Variants in CLPB observed in about 807,000 individuals in gnomAD.
CLPB encodes the protein mitochondrial disaggregase.
Under a neutral mutation model 78.4 loss-of-function variants are expected in CLPB, and 40 were observed. That is an observed-to-expected ratio of 0.51 (90% CI 0.40 to 0.66). CLPB has a LOEUF of 0.66. CLPB is among the 30% of genes least tolerant of loss of function. The probability of loss-of-function intolerance (pLI) is 0.00; values close to 1 mark genes in which losing one functional copy is unlikely to be tolerated. For missense variants in CLPB, 780 were observed against 886.9 expected (o/e 0.88, Z 1.53); for synonymous variants, 333 against 348.0 (o/e 0.96, Z 0.48).
intron 4 of CLPB, among the ~76,000 whole-genome samples, chr11:72,373,783 TA>T (rs1311502816): frequency 6.6e-6 from 1 of 151,770 alleles, no homozygotes; most frequent in Non-Finnish European, 1.5e-5. Flanking sequence ...CCATCTCTAC[TA>T]AAAGTATTAG....
At chr11:72,425,058 G>A (rs549045891) in intron 2 of CLPB, among the ~76,000 whole-genome samples, 3 of 152,260 alleles carry the variant, frequency 2.0e-5, no homozygotes, top group East Asian at 3.9e-4. Flanking sequence ...CTTGGGTGAC[G>A]GACTGAGATT....
At position 72,312,137 on chromosome 11, in the gene CLPB, G is replaced by A. The variant is rs560941898; in HGVS notation, c.989-3533C>T. On this transcript the variant is annotated intron_variant, in intron 7 of 15. Transcript: ENST00000538039. This position sits in a 1 kb window ranked among gnomAD's most constrained non-coding sequence, Gnocchi z 4.2. The stretch of plus-strand genomic sequence containing the variant: ...AAACACTTATTCCTTTAGAGCCTCC[G>A]TTTCTTCCTCTATAAAATGGGAACA... Among the ~76,000 whole-genome samples, 1 of 152,234 alleles carries A rather than the reference G, an allele frequency of 6.6e-6. No individual in the cohort carries two copies. The highest frequency in any genetic ancestry group is 1.9e-4 in the East Asian group (1 of 5,188).
At chr11:72,295,970 C>T (rs1949544747) in intron 11 of CLPB, among the ~76,000 whole-genome samples, 1 of 152,356 alleles carries the variant, frequency 6.6e-6, no homozygotes. Flanking sequence ...ATTTGTGCAA[C>T]CAACACATTT....
chr11:72,364,877 T>A (rs1397145757), intron 4 of CLPB, among the ~76,000 whole-genome samples: 1 of 152,146 alleles, frequency 6.6e-6, no homozygotes, highest in Non-Finnish European at 1.5e-5. Flanking sequence ...ACAGATAATA[T>A]CACCTATCTC....
At chr11:72,328,851 A>G (rs1950173139) in intron 6 of CLPB, among the ~76,000 whole-genome samples, 1 of 152,190 alleles carries the variant, frequency 6.6e-6, no homozygotes, top group Non-Finnish European at 1.5e-5. Context: ...AAAATAAGTC[A>G]GCTGATTTAG....
intron 5 of CLPB, chr11:72,352,897 T>A (rs1950639204): frequency 6.6e-6 from 1 of 152,230 alleles, no homozygotes; most frequent in Admixed American, 6.5e-5. Flanking sequence ...AGAGAGGATA[T>A]GCCTAAAGGT....
At chr11:72,347,278 A>G (rs961196958) in intron 5 of CLPB, among the ~76,000 whole-genome samples, 1 of 152,172 alleles carries the variant, frequency 6.6e-6, no homozygotes, top group African/African-American at 2.4e-5. Context: ...GCAACACAGC[A>G]AGACTCTGTC....
Position 72,434,288 on chromosome 11 carries a change from A to G in CLPB, c.187T>C (p.Phe63Leu). The change falls in exon 1 of 16, where the codon TTC becomes CTC. Residue 63 changes from phenylalanine to leucine, a missense_variant. Physicochemically the swap from Phe to Leu is conservative, Grantham distance 22 (BLOSUM62 0). Transcript: ENST00000538039. ...GGRPGTSPAL[F>L]SGRGAATGGR... ...CCGGTGGCTGCCCCACGTCCGGAGA[A>G]CAAGGCCGGCGATGTTCCAGGGCGC... 1.9e-6 allele frequency: 3 copies of G among 1,612,206 alleles called. No individual in the cohort carries two copies. The highest frequency in any genetic ancestry group is 1.1e-5 in the South Asian group (1 of 91,018).
At chr11:72,415,802 A>T (rs941312187) in intron 2 of CLPB, among the ~76,000 whole-genome samples, 1 of 152,236 alleles carries the variant, frequency 6.6e-6, no homozygotes, top group Non-Finnish European at 1.5e-5. Context: ...GGGCCATATT[A>T]ATAGAAGTAT....
At chr11:72,320,568 T>C (rs562521068) in intron 6 of CLPB, among the ~76,000 whole-genome samples, 3 of 152,134 alleles carry the variant, frequency 2.0e-5, no homozygotes, top group African/African-American at 7.2e-5. Flanking sequence ...CCTCAGAAAA[T>C]GGATCAGACT....
chr11:72,345,342 G>T (rs1387795981), intron 5 of CLPB, among the ~76,000 whole-genome samples: 2 of 152,188 alleles, frequency 1.3e-5, no homozygotes, highest in South Asian at 4.1e-4. Context: ...TATTAAAAAT[G>T]AGGAATATCT....
At chr11:72,414,686 G>A (rs1488690378) in intron 2 of CLPB, among the ~76,000 whole-genome samples, 1 of 152,218 alleles carries the variant, frequency 6.6e-6, no homozygotes, top group Non-Finnish European at 1.5e-5. Context: ...TTCTGAGCTG[G>A]AGGAGGGAAA....
chr11:72,313,555 G>A (rs1461524475), intron 7 of CLPB, among the ~76,000 whole-genome samples: 2 of 152,198 alleles, frequency 1.3e-5, no homozygotes, highest in Non-Finnish European at 2.9e-5. Flanking sequence ...TGGACTTTTG[G>A]AGGGAGAAAG....
chr11:72,328,320 A>C (rs1950164590), intron 6 of CLPB, among the ~76,000 whole-genome samples: 1 of 152,196 alleles, frequency 6.6e-6, no homozygotes. Flanking sequence ...GGCAAAAATA[A>C]ATCTTATTTT....
chr11:72,307,304 G>A lies in CLPB; in HGVS notation c.1067-50C>T, dbSNP rs74559788. ...TTGGGTTAGAACCAGGTGACTAACC[G>A]CTGGAATGAAAGAATACTAGAAATG... On this transcript the variant is annotated intron_variant, in intron 8 of 15. Coordinates refer to ENST00000538039, the MANE Select transcript of CLPB (RefSeq NM_001258392.3). 29,082 of 1,460,366 alleles carry A rather than the reference G, an allele frequency of 0.02. 353 individuals are homozygous for A. Among genetic ancestry groups the A allele is most frequent in the Non-Finnish European group, 0.024 (25,109 of 1,040,908 alleles). 90.5% of individuals were successfully genotyped at this position (1,460,366 alleles called of 1,614,324 possible). A position where few individuals can be genotyped will look rare whatever the true frequency, so the allele number is the denominator to read the frequency against.
intron 2 of CLPB, among the ~76,000 whole-genome samples, chr11:72,419,838 G>A (rs575659204): frequency 6.6e-4 from 101 of 152,194 alleles, no homozygotes; most frequent in African/African-American, 1.5e-3. Flanking sequence ...TTGTCATTTC[G>A]CATTTGTAGG....
intron 5 of CLPB, chr11:72,353,096 C>T (rs1042489044): frequency 2.4e-4 from 37 of 152,292 alleles, no homozygotes; most frequent in Middle Eastern, 3.4e-3. Context: ...TAACAAGAAG[C>T]GAACTCTTAA....
At chr11:72,341,410 C>A (rs2135571323) in intron 5 of CLPB, among the ~76,000 whole-genome samples, 1 of 152,234 alleles carries the variant, frequency 6.6e-6, no homozygotes, top group East Asian at 1.9e-4. Flanking sequence ...TTTGAAGCTT[C>A]AATTGCAATC....
Position 72,308,556 on chromosome 11 carries a change from A to C in CLPB, c.1037T>G (p.Val346Gly). 6.2e-7 allele frequency: 1 copy of C among 1,614,190 alleles called. No homozygotes were observed. Among genetic ancestry groups the C allele is most frequent in the Non-Finnish European group, 8.5e-7 (1 of 1,180,020 alleles). ...TCCAGATGATCCCAAGAAGAGGAAG[A>C]CCAGAGGGTGTTCTTCATCGTACCA... ...NGWYDEEHPL[V>G]FLFLGSSGIG... The change falls in exon 8 of 16, where the codon GTC (valine) becomes GGC (glycine). Residue 346 changes from valine (V) to glycine (G), a missense_variant. Physicochemically the swap from Val to Gly is moderately radical, Grantham distance 109. This residue lies in a region of CLPB where 91 missense variants were observed against 168.2 expected (regional missense o/e 0.54). Coordinates refer to ENST00000538039, the MANE Select transcript of CLPB (RefSeq NM_001258392.3).
Sources: gnomAD v4.1 joint callset for allele counts (sites outside exome capture counted in the v4.1 genomes callset) on GRCh38, gnomAD v4.1.1 for gene constraint, gnomAD v4.1.1 regional missense constraint, Gnocchi (gnomAD v3.1) non-coding constraint, MANE v1.5 for transcripts, NCBI Gene and HGNC (gene_info 2026-07-23, HGNC 2026-07-21) for gene names.